ANKAR: variants seen among roughly 807,000 people sequenced by gnomAD.
ANKAR encodes the protein ankyrin and armadillo repeat-containing protein.
ANKAR carries 136 observed loss-of-function variants against 146.2 expected under a neutral mutation model. The observed-to-expected ratio is 0.93, with a 90% CI of 0.81 to 1.07. The LOEUF is 1.07. Among genes scored for constraint, ANKAR ranks in the 50% least tolerant of loss-of-function variants. ANKAR has a pLI of 0.00. For synonymous variants in ANKAR, 500 were observed against 575.8 expected, an observed-to-expected ratio of 0.87 and a Z score of 1.88; for missense variants, 1,567 against 1,679.9, an observed-to-expected ratio of 0.93 and a Z score of 1.18.
At chr2:189,692,141 A>T in intron 3 of ANKAR, 114 bp from the exon 4 acceptor site, 1 of 869,464 alleles carries the variant, frequency 1.2e-6, no homozygotes, top group Non-Finnish European at 1.7e-6. Flanking sequence ...CCAAGATTTT[A>T]ATTTCATCTG....
chr2:189,724,661 C>A lies in ANKAR; in HGVS notation c.2636-3195C>A, dbSNP rs577124400. Among the ~76,000 whole-genome samples the A allele has an allele frequency of 5.3e-5, 8 of 151,990 alleles. No homozygotes were observed. In the South Asian group the frequency reaches 1.7e-3, roughly 32 times the overall value. ...CAATAAAAATAGTTAATATTTTTGA[C>A]ATAAATTGATATAAAGTGGGTATAG... On this transcript the variant is annotated intron_variant, in intron 12 of 22. Transcript: ENST00000684021.
Position 189,720,744 on chromosome 2 carries a change from T to A in ANKAR, c.2592T>A (p.His864Gln). Residue 864 changes from histidine (H) to glutamine (Q), a missense_variant, in exon 12 of 23, where the codon CAT (histidine) becomes CAA (glutamine). Coordinates refer to ENST00000684021, the MANE Select transcript of ANKAR (RefSeq NM_001378068.1). Reference protein sequence around the residue: ...NENNQRAVREHKGLPYLIRFL... With the variant: ...NENNQRAVREQKGLPYLIRFL... ...ACAATCAAAGAGCTGTGAGAGAACA[T>A]AAAGGCCTCCCATATCTTATCAGAT... The A allele has an allele frequency of 6.6e-7, 1 of 1,517,670 alleles. No homozygotes were observed. Among genetic ancestry groups the A allele is most frequent in the South Asian group, 1.4e-5 (1 of 73,190 alleles). 94.0% of individuals were successfully genotyped at this position (1,517,670 alleles called of 1,614,324 possible).
At chr2:189,757,342 G>T (rs1024431761) in intron 18 of ANKAR, among the ~76,000 whole-genome samples, 1 of 152,154 alleles carries the variant, frequency 6.6e-6, no homozygotes, top group African/African-American at 2.4e-5. Flanking sequence ...TTGGAAGAAG[G>T]GACTCCTCCT....
chr2:189,715,746 A>C (rs546436563), intron 10 of ANKAR, among the ~76,000 whole-genome samples: 5 of 152,224 alleles, frequency 3.3e-5, no homozygotes, highest in Non-Finnish European at 7.3e-5. Context: ...CACCATGATC[A>C]AGTCGGTTTC....
At chr2:189,693,648 C>T (rs899851981) in intron 5 of ANKAR, among the ~76,000 whole-genome samples, 1 of 152,110 alleles carries the variant, frequency 6.6e-6, no homozygotes, top group African/African-American at 2.4e-5. Flanking sequence ...GAGGATAGGA[C>T]CAAGTCTGGA....
chr2:189,756,034 T>C (rs1341188781), intron 18 of ANKAR, among the ~76,000 whole-genome samples: 2 of 152,100 alleles, frequency 1.3e-5, no homozygotes, highest in Non-Finnish European at 1.5e-5. Flanking sequence ...TAACTGAATA[T>C]AAAGGGACAG....
chr2:189,733,069 C>A, intron 16 of ANKAR, 38 bp from the exon 17 acceptor site: 1 of 1,575,338 alleles, frequency 6.3e-7, no homozygotes, highest in South Asian at 1.2e-5. Flanking sequence ...TTTCATAAAG[C>A]ATAATTGAAA....
At chr2:189,738,475 T>TAAAAA in intron 18 of ANKAR, 90 bp from the exon 19 acceptor site, 1 of 650,436 alleles carries the variant, frequency 1.5e-6, no homozygotes, top group Non-Finnish European at 2.6e-6. Context: ...TCAAAAGAAT[T>TAAAAA]AAAAAAAAAA....
intron 2 of ANKAR, among the ~76,000 whole-genome samples, chr2:189,684,915 C>T (rs1401388642): frequency 6.6e-6 from 1 of 151,440 alleles, no homozygotes; most frequent in Non-Finnish European, 1.5e-5. Flanking sequence ...TTCATTTGAT[C>T]CAATTTTTTA....
chr2:189,731,742 C>T (rs2042421267), intron 16 of ANKAR, among the ~76,000 whole-genome samples: 1 of 151,980 alleles, frequency 6.6e-6, no homozygotes, highest in Non-Finnish European at 1.5e-5. Flanking sequence ...TCACTGTCAG[C>T]CAGGCTAGAG....
intron 12 of ANKAR, among the ~76,000 whole-genome samples, chr2:189,722,399 C>G (rs2041381847): frequency 6.7e-6 from 1 of 149,436 alleles, no homozygotes; most frequent in African/African-American, 2.5e-5. Flanking sequence ...ATATTTTAAA[C>G]ATATAATTTT....
intron 18 of ANKAR, chr2:189,753,894 T>C (rs778711839): frequency 1.2e-6 from 2 of 1,610,278 alleles, no homozygotes; most frequent in Non-Finnish European, 1.7e-6. Flanking sequence ...TAACTATTAC[T>C]ATAAAATGAG....
rs760466504 is a variant in ANKAR, at chr2:189,677,015, G to A, written c.525G>A (p.Trp175Ter). 1 of 1,612,600 alleles carries A rather than the reference G, an allele frequency of 6.2e-7. No homozygotes were observed. Among genetic ancestry groups the A allele is most frequent in the South Asian group, 1.1e-5 (1 of 90,928 alleles). ...AACGAGCTAGATTCTCTGAATTGTG[G>A]CGTGCCATCATGGACATTGATCCTG... ...KEKRARFSEL[W>*]RAIMDIDPDG... is the part of the protein sequence containing the mutation. The change falls in exon 2 of 23, where the codon TGG (tryptophan) becomes TGA (stop). Residue 175 changes from tryptophan (W) to a stop codon, truncating the protein, a stop_gained. Coordinates refer to ENST00000684021, the MANE Select transcript of ANKAR (RefSeq NM_001378068.1). LOFTEE classifies it high-confidence loss of function.
In ANKAR at chr2:189,705,180, C is replaced by T; in HGVS notation, c.1866C>T (p.Leu622=). The T allele has an allele frequency of 6.2e-7, 1 of 1,614,058 alleles. No individual in the cohort carries two copies. Among genetic ancestry groups the T allele is most frequent in the Non-Finnish European group, 8.5e-7 (1 of 1,180,010 alleles). ...FYDNVCIIIA[L]CRKDPSLLEA... ...ACAACGTTTGCATCATTATTGCTCT[C>T]TGTAGGAAGGATCCTAGTTTGCTAG... Residue 622 remains leucine (L), a synonymous_variant, in exon 8 of 23, where the codon CTC becomes CTT. Transcript: ENST00000684021.
At chr2:189,726,319 G>T (rs1028532983) in intron 12 of ANKAR, among the ~76,000 whole-genome samples, 7 of 152,062 alleles carry the variant, frequency 4.6e-5, no homozygotes, top group Non-Finnish European at 1.0e-4. Flanking sequence ...AGAACCTAAT[G>T]TCACTTTTTT....
intron 22 of ANKAR, among the ~76,000 whole-genome samples, chr2:189,745,451 C>T (rs1361032377): frequency 6.6e-6 from 1 of 152,102 alleles, no homozygotes; most frequent in Non-Finnish European, 1.5e-5. Context: ...TATCTGAATT[C>T]TCAGGGCAGA....
At chr2:189,728,633 T>C in intron 14 of ANKAR, 27 bp from the exon 15 acceptor site, 1 of 1,608,984 alleles carries the variant, frequency 6.2e-7, no homozygotes, top group Non-Finnish European at 8.5e-7. Flanking sequence ...TGGAGTATCA[T>C]ACATGTATCT....
chr2:189,728,386 G>A lies in ANKAR; in HGVS notation c.2997G>A (p.Met999Ile), dbSNP rs753937871. 2.5e-6 allele frequency: 4 copies of A among 1,605,046 alleles called. No homozygotes were observed. In the Middle Eastern group the frequency reaches 5.0e-4, roughly 200 times the overall value. The change falls in exon 14 of 23, where the codon ATG becomes ATA. Residue 999 changes from methionine (M) to isoleucine (I), a missense_variant. Met to Ile is a conservative substitution (Grantham distance 10). Coordinates refer to ENST00000684021, the MANE Select transcript of ANKAR (RefSeq NM_001378068.1). ...TTGGATACAGCTTTATAATAAATAT[G>A]CTTTTGTCACCATCAGCTAAAATGC... ...EQIGYSFIIN[M>I]LLSPSAKMQY...
At chr2:189,703,376 G>C (rs1238468991) in intron 7 of ANKAR, among the ~76,000 whole-genome samples, 1 of 152,142 alleles carries the variant, frequency 6.6e-6, no homozygotes, top group Admixed American at 6.5e-5. Flanking sequence ...TGATGGGCTG[G>C]TTATGGAGAA....
Sources: gnomAD v4.1 joint callset for allele counts (sites outside exome capture counted in the v4.1 genomes callset) on GRCh38, gnomAD v4.1.1 for gene constraint, MANE v1.5 for transcripts, NCBI Gene and HGNC (gene_info 2026-07-23, HGNC 2026-07-21) for gene names.